The following ROBO2 variants were observed in gnomAD, a reference collection of about 807,000 sequenced individuals.
The protein encoded by ROBO2 is roundabout homolog 2.
ROBO2 carries 53 observed loss-of-function variants against 160.8 expected under a neutral mutation model. The observed-to-expected ratio is 0.33, with a 90% confidence interval of 0.26 to 0.41. The LOEUF is 0.41. ROBO2 is among the 10% of genes least tolerant of loss of function. The pLI, the probability that ROBO2 is intolerant of heterozygous loss-of-function variation, is 1.00. For missense variants in ROBO2, 1,577 were observed against 1,722.4 expected, an observed-to-expected ratio of 0.92 and a Z score of 1.49; for synonymous variants, 664 against 611.7, an observed-to-expected ratio of 1.09 and a Z score of -1.26.
intron 2 of ROBO2, among the ~76,000 whole-genome samples, chr3:75,955,540 G>A (rs1490157831): frequency 1.3e-5 from 2 of 151,380 alleles, no homozygotes; most frequent in Admixed American, 6.6e-5. Context: ...TGTAAATGAC[G>A]AGTTAATGGG....
At chr3:76,169,135 A>G (rs984171677) in intron 2 of ROBO2, among the ~76,000 whole-genome samples, 1 of 152,292 alleles carries the variant, frequency 6.6e-6, no homozygotes, top group East Asian at 1.9e-4. Context: ...TCTTTCTAGA[A>G]GATACCTTAG....
intron 2 of ROBO2, among the ~76,000 whole-genome samples, chr3:76,134,355 C>A (rs1386166500): frequency 6.6e-6 from 1 of 151,982 alleles, no homozygotes; most frequent in African/African-American, 2.4e-5. Context: ...CAGTGAGTCA[C>A]CTGCTTGTCA....
intron 2 of ROBO2, among the ~76,000 whole-genome samples, chr3:76,722,855 C>T (rs2093486847): frequency 1.3e-5 from 2 of 152,192 alleles, no homozygotes; most frequent in Non-Finnish European, 2.9e-5. Flanking sequence ...AGTTAATGGG[C>T]ATTGGATTGC....
rs2066894514 is a variant in ROBO2 at position 76,030,806 on chromosome 3, C to A, written c.109+93204C>A. On this transcript the variant is annotated intron_variant, in intron 2 of 26. Transcript: ENST00000487694. ...AGTTTGAAGTCAGGTAGCGTGATGC[C>A]TCCAGCTTTGTTGTTTTTGCTTAGG... Among the ~76,000 whole-genome samples, 3 of 152,120 alleles carry A rather than the reference C, an allele frequency of 2.0e-5. No homozygotes were observed. The South Asian group carries it at 6.2e-4, about 32-fold the overall frequency.
chr3:76,834,114 C>CTT (rs1442438961), intron 2 of ROBO2, among the ~76,000 whole-genome samples: 108 of 129,196 alleles, frequency 8.4e-4, no homozygotes, highest in Middle Eastern at 4.1e-3. Context: ...TTCTTTCTTT[C>CTT]TCTCTGTCTC....
At chr3:76,789,806 T>A (rs1560565617) in intron 2 of ROBO2, among the ~76,000 whole-genome samples, 1 of 151,598 alleles carries the variant, frequency 6.6e-6, no homozygotes, top group Non-Finnish European at 1.5e-5. Flanking sequence ...ATGTCATGTA[T>A]TAAGTCAAGG....
chr3:77,647,699 A>G (rs1463290572), exon 26 of ROBO2: 1 of 152,104 alleles, frequency 6.6e-6, no homozygotes. Context: ...TTTCCTACAC[A>G]ATCTTAAATT....
chr3:77,276,174 G>A (rs2059810344), intron 2 of ROBO2, among the ~76,000 whole-genome samples: 1 of 150,406 alleles, frequency 6.6e-6, no homozygotes, highest in Admixed American at 6.6e-5. Context: ...TCCTTTGCAT[G>A]TTCCTCTAAG....
intron 1 of ROBO2, among the ~76,000 whole-genome samples, chr3:77,046,592 G>A (rs2064694772): frequency 6.6e-6 from 1 of 152,172 alleles, no homozygotes; most frequent in Non-Finnish European, 1.5e-5. Context: ...CCTTGTCACA[G>A]ATCCCATTGC....
chr3:76,335,825 C>T (rs1350984471), intron 2 of ROBO2, among the ~76,000 whole-genome samples: 2 of 152,178 alleles, frequency 1.3e-5, no homozygotes, highest in East Asian at 1.9e-4. Context: ...ATCCGCCCGC[C>T]TCGTCCTCCC....
At chr3:77,403,619 T>TGTGTGTGTGTA (rs1491148217) in intron 2 of ROBO2, among the ~76,000 whole-genome samples, 7 of 27,186 alleles carry the variant, frequency 2.6e-4, no homozygotes, top group African/African-American at 6.4e-4. Context: ...TGTGTGTGTA[T>TGTGTGTGTGTA]TTTTTTTTTT....
intron 2 of ROBO2, among the ~76,000 whole-genome samples, chr3:76,358,269 G>T (rs758615179): frequency 2.6e-5 from 4 of 152,070 alleles, no homozygotes; most frequent in Admixed American, 2.0e-4. Context: ...AAGGACACCA[G>T]CTGTCCTTGA....
At chr3:76,684,259 T>C (rs2092637748) in intron 2 of ROBO2, among the ~76,000 whole-genome samples, 1 of 152,102 alleles carries the variant, frequency 6.6e-6, no homozygotes, top group African/African-American at 2.4e-5. Context: ...CTGCATCCCC[T>C]CAGTTGGAAG....
At chr3:77,094,943 A>G (rs2070841428) in intron 1 of ROBO2, among the ~76,000 whole-genome samples, 1 of 152,086 alleles carries the variant, frequency 6.6e-6, no homozygotes, top group Non-Finnish European at 1.5e-5. Context: ...CAAATCCATT[A>G]TTGGGTATAT....
intron 2 of ROBO2, among the ~76,000 whole-genome samples, chr3:76,931,550 G>GACACACACACACACAC (rs148001909): frequency 6.4e-4 from 96 of 150,724 alleles, no homozygotes; most frequent in African/African-American, 1.6e-3. Context: ...TGCTTTATAA[G>GACACACACACACACAC]ACACATACAC....
At chr3:76,524,942 A>G (rs2081868408) in intron 2 of ROBO2, among the ~76,000 whole-genome samples, 1 of 150,562 alleles carries the variant, frequency 6.6e-6, no homozygotes, top group Non-Finnish European at 1.5e-5. Flanking sequence ...TGAGTTAGAG[A>G]TCTATGCAAA....
At chr3:76,290,922 A>G (rs1172969826) in intron 2 of ROBO2, among the ~76,000 whole-genome samples, 7 of 151,980 alleles carry the variant, frequency 4.6e-5, no homozygotes, top group Non-Finnish European at 1.5e-5. Flanking sequence ...GTTTGCTAGT[A>G]TTTAGTTGAG....
At chr3:77,438,655 T>C (rs1008231687) in intron 2 of ROBO2, among the ~76,000 whole-genome samples, 2 of 151,870 alleles carry the variant, frequency 1.3e-5, no homozygotes, top group Non-Finnish European at 2.9e-5. Context: ...ATCAAGCATA[T>C]TATATATGTG....
chr3:77,363,339 C>T (rs1228682494), intron 2 of ROBO2, among the ~76,000 whole-genome samples: 2 of 152,108 alleles, frequency 1.3e-5, no homozygotes, highest in African/African-American at 4.8e-5. Flanking sequence ...TTCCTGGTGG[C>T]CTGTATATTC....
Sources: allele counts gnomAD v4.1 joint callset (sites outside exome capture counted in the v4.1 genomes callset), GRCh38; gene constraint gnomAD v4.1.1; transcripts MANE v1.5; gene names NCBI Gene and HGNC (gene_info 2026-07-23, HGNC 2026-07-21).